Variants in RAB31 observed in about 807,000 individuals in gnomAD.
RAB31 encodes the protein ras-related protein Rab-31.
Under a neutral mutation model 25.6 loss-of-function variants are expected in RAB31, and 21 were observed. The ratio of observed to expected loss-of-function variants is 0.82; its 90% CI spans 0.58 to 1.18. RAB31 has a LOEUF of 1.18. Among genes scored for constraint, RAB31 ranks in the 50% most tolerant of loss-of-function variants. The pLI is 0.00. For synonymous variants in RAB31, 87 were observed against 84.0 expected (o/e 1.04, Z -0.20); for missense variants, 196 against 250.1 (o/e 0.78, Z 1.46).
chr18:9,716,372 T>G (rs751734027), intron 1 of RAB31, among the ~76,000 whole-genome samples: 1 of 152,232 alleles, frequency 6.6e-6, no homozygotes, highest in Non-Finnish European at 1.5e-5. Context: ...GTGGCATTTA[T>G]TTAAAAAAAT....
rs10569954 is a variant in RAB31, at chr18:9,850,867, A to AAAATAAAT, written c.490+5195_490+5202dup. On this transcript the variant is annotated intron_variant, in intron 6 of 6. Coordinates refer to ENST00000578921, the MANE Select transcript of RAB31 (RefSeq NM_006868.4). ...GGCAACAGAACGAGATCCTATCTCT[A>AAAATAAAT]AAATAAATAAATAAATAAATAAATA... Among the ~76,000 whole-genome samples, 21 of 150,340 alleles carry AAAATAAAT rather than the reference A, an allele frequency of 1.4e-4. 1 individual carries two copies. In the South Asian group the frequency reaches 4.2e-3, roughly 30 times the overall value.
chr18:9,734,370 G>A (rs1180080331), intron 1 of RAB31, among the ~76,000 whole-genome samples: 1 of 152,130 alleles, frequency 6.6e-6, no homozygotes, highest in Non-Finnish European at 1.5e-5. Context: ...GGACTCCAGC[G>A]ATTGTGTTGT....
At chr18:9,802,854 A>T (rs2068520931) in intron 3 of RAB31, among the ~76,000 whole-genome samples, 1 of 152,258 alleles carries the variant, frequency 6.6e-6, no homozygotes, top group African/African-American at 2.4e-5. Flanking sequence ...AGACATCCAA[A>T]GAAACTCTTT....
At chr18:9,743,940 C>T (rs1568167593) in intron 1 of RAB31, among the ~76,000 whole-genome samples, 1 of 152,220 alleles carries the variant, frequency 6.6e-6, no homozygotes, top group Non-Finnish European at 1.5e-5. Flanking sequence ...TCTGTGGTCC[C>T]AGGCTCCACT....
Position 9,775,263 on chromosome 18 carries a change from C to T in RAB31, c.40-15C>T. On this transcript the variant is annotated splice_polypyrimidine_tract_variant and intron_variant, in intron 1 of 6. Coordinates refer to ENST00000578921, the MANE Select transcript of RAB31 (RefSeq NM_006868.4). Reference sequence around the variant, plus strand: ...CGCCCTTCATCTTCACGGTTGTATCCTCATTCTTTCCTAGGACACTGGGGT... The same window carrying T: ...CGCCCTTCATCTTCACGGTTGTATCTTCATTCTTTCCTAGGACACTGGGGT... 1 of 1,613,748 alleles carries T rather than the reference C, an allele frequency of 6.2e-7. No individual in the cohort carries two copies. Among genetic ancestry groups the T allele is most frequent in the Non-Finnish European group, 8.5e-7 (1 of 1,179,742 alleles).
chr18:9,709,297 T>C (rs1416014548), intron 1 of RAB31, among the ~76,000 whole-genome samples: 1 of 152,128 alleles, frequency 6.6e-6, no homozygotes, highest in African/African-American at 2.4e-5. Flanking sequence ...GGTCGCTTCC[T>C]TTCGGGGGCC....
At chr18:9,714,793 C>T (rs2068035799) in intron 1 of RAB31, among the ~76,000 whole-genome samples, 1 of 152,162 alleles carries the variant, frequency 6.6e-6, no homozygotes, top group African/African-American at 2.4e-5. Flanking sequence ...GTTGCCTTCC[C>T]AAAGACACGA....
At chr18:9,762,076 A>G (rs993942014) in intron 1 of RAB31, among the ~76,000 whole-genome samples, 18 of 152,068 alleles carry the variant, frequency 1.2e-4, no homozygotes, top group African/African-American at 4.1e-4. Context: ...CCAAAGTGCT[A>G]GGATTACACG....
chr18:9,821,256 T>C (rs1267347059), intron 5 of RAB31, among the ~76,000 whole-genome samples: 1 of 152,092 alleles, frequency 6.6e-6, no homozygotes, highest in African/African-American at 2.4e-5. Flanking sequence ...TATGGCTTAG[T>C]ATATGGTCTG....
chr18:9,765,178 C>T (rs1444982628), intron 1 of RAB31, among the ~76,000 whole-genome samples: 1 of 152,166 alleles, frequency 6.6e-6, no homozygotes, highest in African/African-American at 2.4e-5. Flanking sequence ...GTCTTGAACT[C>T]CTGGCCTCAA....
chr18:9,771,607 C>CGGAGTGACTCCTT (rs1274532158), intron 1 of RAB31, among the ~76,000 whole-genome samples: 4 of 152,198 alleles, frequency 2.6e-5, no homozygotes, highest in Admixed American at 2.6e-4. Flanking sequence ...ATTCCCAGCG[C>CGGAGTGACTCCTT]GGAGTGACTC....
chr18:9,716,678 G>GTATGAGA (rs2068045842), intron 1 of RAB31, among the ~76,000 whole-genome samples: 1 of 152,138 alleles, frequency 6.6e-6, no homozygotes, highest in Admixed American at 6.5e-5. Flanking sequence ...GGAGAGGAGA[G>GTATGAGA]TATGTCCTGA....
chr18:9,787,874 T>C (rs545311850), intron 2 of RAB31: 1 of 152,372 alleles, frequency 6.6e-6, no homozygotes, highest in African/African-American at 2.4e-5. Flanking sequence ...GCTGAGGCTG[T>C]CGCCCAAAGA....
At chr18:9,800,226 A>C (rs115866846) in intron 3 of RAB31, among the ~76,000 whole-genome samples, 2,562 of 152,300 alleles carry the variant, frequency 0.017, 66 homozygotes, top group African/African-American at 0.058. Flanking sequence ...TGGGGATAAT[A>C]CTTTCATCTG....
chr18:9,789,843 G>C (rs1389660428), intron 2 of RAB31, among the ~76,000 whole-genome samples: 6 of 152,164 alleles, frequency 3.9e-5, no homozygotes, highest in African/African-American at 7.2e-5. Flanking sequence ...TTGTCACTTA[G>C]AATACTTAGA....
At chr18:9,760,693 GC>G (rs1375910633) in intron 1 of RAB31, among the ~76,000 whole-genome samples, 1 of 152,136 alleles carries the variant, frequency 6.6e-6, no homozygotes, top group Non-Finnish European at 1.5e-5. Flanking sequence ...TGGGCAATCT[GC>G]AGGGTGGAAG....
intron 4 of RAB31, among the ~76,000 whole-genome samples, chr18:9,814,439 C>G (rs80008378): frequency 2.0e-5 from 3 of 152,018 alleles, no homozygotes; most frequent in Non-Finnish European, 4.4e-5. Flanking sequence ...CTTAAAATGC[C>G]AAGCATAACA....
intron 1 of RAB31, among the ~76,000 whole-genome samples, chr18:9,770,027 C>T (rs1402432565): frequency 3.9e-5 from 6 of 152,150 alleles, no homozygotes; most frequent in South Asian, 2.1e-4. Flanking sequence ...CCTTGCGTCC[C>T]GGGGATAAAG....
At chr18:9,745,552 T>G (rs2068201342) in intron 1 of RAB31, among the ~76,000 whole-genome samples, 1 of 152,154 alleles carries the variant, frequency 6.6e-6, no homozygotes, top group African/African-American at 2.4e-5. Flanking sequence ...ACTGGCAAAC[T>G]GAACCCAGAA....
Sources: gnomAD v4.1 joint callset for allele counts (sites outside exome capture counted in the v4.1 genomes callset) on GRCh38, gnomAD v4.1.1 for gene constraint, MANE v1.5 for transcripts, NCBI Gene and HGNC (gene_info 2026-07-23, HGNC 2026-07-21) for gene names.